SGK1: variants seen among roughly 807,000 people sequenced by gnomAD.
The protein encoded by SGK1 is serine/threonine-protein kinase Sgk1.
A neutral mutation model predicts 64.2 loss-of-function variants in SGK1; 26 were observed. The ratio of observed to expected loss-of-function variants is 0.40; its 90% CI spans 0.30 to 0.56. The LOEUF (loss-of-function observed/expected upper bound fraction) is 0.56, where lower values mean the gene tolerates loss of function less well. Ranked by LOEUF, SGK1 falls within the 20% of genes least tolerant of loss-of-function variation. The pLI is 0.38. For synonymous variants in SGK1, 265 were observed against 239.7 expected (o/e 1.11, Z -0.98); for missense variants, 519 against 645.6 (o/e 0.80, Z 2.12).
chr6:134,250,246 G>A (rs1247290198), intron 2 of SGK1, among the ~76,000 whole-genome samples: 1 of 152,184 alleles, frequency 6.6e-6, no homozygotes, highest in East Asian at 1.9e-4. Flanking sequence ...GTGGAATTTG[G>A]CTTGACCTTA....
At chr6:134,210,701 A>G (rs1582713416) in intron 2 of SGK1, among the ~76,000 whole-genome samples, 1 of 150,252 alleles carries the variant, frequency 6.7e-6, no homozygotes, top group African/African-American at 2.5e-5. Context: ...GCGGGCACCT[A>G]TAATCCCAGC....
chr6:134,198,314 G>A (rs929457575), intron 3 of SGK1, among the ~76,000 whole-genome samples: 1 of 152,194 alleles, frequency 6.6e-6, no homozygotes, highest in South Asian at 2.1e-4. Flanking sequence ...AGGAGGCAAA[G>A]TCTACCATGA....
chr6:134,271,838 T>C (rs1227502991), intron 1 of SGK1, among the ~76,000 whole-genome samples: 1 of 147,694 alleles, frequency 6.8e-6, no homozygotes, highest in African/African-American at 2.4e-5. Context: ...ATTCCAGTGT[T>C]TTTCTGTTTG....
intron 2 of SGK1, among the ~76,000 whole-genome samples, chr6:134,253,666 AT>A (rs1258803619): frequency 6.6e-6 from 1 of 151,796 alleles, no homozygotes; most frequent in African/African-American, 2.4e-5. Flanking sequence ...AAAATAAAAA[AT>A]TTTTTTCTAC....
intron 1 of SGK1, among the ~76,000 whole-genome samples, chr6:134,303,347 G>C (rs1777487551): frequency 6.6e-6 from 1 of 151,876 alleles, no homozygotes; most frequent in African/African-American, 2.4e-5. Flanking sequence ...AGCCAAGATG[G>C]CGCCACTGCA....
intron 1 of SGK1, among the ~76,000 whole-genome samples, chr6:134,310,554 G>A (rs189597603): frequency 1.2e-4 from 19 of 152,166 alleles, no homozygotes; most frequent in African/African-American, 3.9e-4. Flanking sequence ...TTCTAGTTGG[G>A]AGGATACATA....
rs2114625786 is a variant in SGK1, at chr6:134,170,188, A to G, written c.*80T>C. On this transcript the variant is annotated 3_prime_UTR_variant, in exon 14 of 14. Coordinates refer to ENST00000367858, the MANE Select transcript of SGK1 (RefSeq NM_001143676.3). Reference sequence around the variant, plus strand: ...AAATTCTCTTGTAAGATGTCCTGTCAGCTGGCGGCTCCACCAAAAGGCTAA... The same window carrying G: ...AAATTCTCTTGTAAGATGTCCTGTCGGCTGGCGGCTCCACCAAAAGGCTAA... The G allele has an allele frequency of 1.6e-6, 2 of 1,216,584 alleles. No individual in the cohort carries two copies. Among genetic ancestry groups the G allele is most frequent in the African/African-American group, 1.5e-5 (1 of 66,252 alleles). The allele number at this position is 1,216,584 out of a possible 1,614,324, so 75.4% of individuals were successfully genotyped here.
chr6:134,265,489 A>T (rs1010543292), intron 1 of SGK1, among the ~76,000 whole-genome samples: 2 of 148,046 alleles, frequency 1.4e-5, no homozygotes, highest in African/African-American at 5.0e-5. Flanking sequence ...ACAAACAAAA[A>T]AAATATATAT....
chr6:134,171,347 CGT>C (rs995295582), intron 11 of SGK1, 169 bp from the exon 12 acceptor site: 13 of 682,120 alleles, frequency 1.9e-5, no homozygotes, highest in South Asian at 7.5e-5. Flanking sequence ...CTTTGCAACC[CGT>C]GTGTGTGTTT....
intron 3 of SGK1, among the ~76,000 whole-genome samples, chr6:134,185,519 A>G (rs1775406731): frequency 6.6e-6 from 1 of 151,264 alleles, no homozygotes; most frequent in Non-Finnish European, 1.5e-5. Flanking sequence ...CTTAGTGCCA[A>G]GTTAAGATAT....
At chr6:134,250,502 TAGAA>T (rs1329877355) in intron 2 of SGK1, among the ~76,000 whole-genome samples, 2 of 152,176 alleles carry the variant, frequency 1.3e-5, no homozygotes, top group African/African-American at 4.8e-5. Context: ...CAAGTAAAAA[TAGAA>T]AGATTTATTT....
intron 2 of SGK1, among the ~76,000 whole-genome samples, chr6:134,246,547 C>T (rs1582739840): frequency 6.6e-6 from 1 of 152,140 alleles, no homozygotes; most frequent in African/African-American, 2.4e-5. Flanking sequence ...CATACATTCT[C>T]TCACTTGAAC....
At chr6:134,174,265 G>T in intron 4 of SGK1, 185 bp from the exon 5 acceptor site, 3 of 605,374 alleles carry the variant, frequency 5.0e-6, no homozygotes, top group Non-Finnish European at 8.7e-6. Flanking sequence ...AATAAGGATT[G>T]TTGCTCATGG....
chr6:134,175,436 C>T (rs1323131451), intron 3 of SGK1: 1 of 1,309,692 alleles, frequency 7.6e-7, no homozygotes, highest in East Asian at 3.1e-5. Flanking sequence ...CTCCCGTTCC[C>T]GCCGCCGGGA....
At chr6:134,217,529 C>T (rs1026585175) in intron 2 of SGK1, among the ~76,000 whole-genome samples, 3 of 152,156 alleles carry the variant, frequency 2.0e-5, no homozygotes, top group African/African-American at 4.8e-5. Flanking sequence ...CCCTGGGCTA[C>T]AGTCCTCCAC....
At chr6:134,191,292 A>T (rs1775505021) in intron 3 of SGK1, among the ~76,000 whole-genome samples, 1 of 152,172 alleles carries the variant, frequency 6.6e-6, no homozygotes, top group Admixed American at 6.5e-5. Flanking sequence ...AGGGCAAAAA[A>T]ATCTTAAGAA....
intron 1 of SGK1, among the ~76,000 whole-genome samples, chr6:134,265,740 A>C (rs1776845480): frequency 6.7e-6 from 1 of 149,374 alleles, no homozygotes. Context: ...ATCTGTTTTT[A>C]CAACTCTTCG....
intron 4 of SGK1, 30 bp downstream of exon 4, chr6:134,174,481 A>C (rs763144165): frequency 1.3e-6 from 2 of 1,531,146 alleles, no homozygotes; most frequent in Non-Finnish European, 1.8e-6. Context: ...AAACTATACT[A>C]GTTATTTCCT....
intron 2 of SGK1, among the ~76,000 whole-genome samples, chr6:134,211,208 C>G (rs1276726767): frequency 2.0e-5 from 3 of 152,026 alleles, no homozygotes; most frequent in Admixed American, 1.3e-4. Flanking sequence ...AGATTGCCAT[C>G]CTATTTTGTC....
Sources: allele counts gnomAD v4.1 joint callset (sites outside exome capture counted in the v4.1 genomes callset), GRCh38; gene constraint gnomAD v4.1.1; transcripts MANE v1.5; gene names NCBI Gene and HGNC (gene_info 2026-07-23, HGNC 2026-07-21).